Variants in CPED1 observed in about 807,000 individuals in gnomAD.
The protein encoded by CPED1 is cadherin like and PC-esterase domain containing 1.
In CPED1, 114 loss-of-function variants were observed where a neutral mutation model predicts 128.2. The ratio of observed to expected loss-of-function variants is 0.89; its 90% CI spans 0.76 to 1.04. The LOEUF is 1.04. Ranked by LOEUF, CPED1 falls within the 50% of genes least tolerant of loss-of-function variation. The pLI is 0.00. For missense variants in CPED1, 1,211 were observed against 1,207.1 expected, an observed-to-expected ratio of 1.00 and a Z score of -0.05; for synonymous variants, 462 against 426.7, an observed-to-expected ratio of 1.08 and a Z score of -1.02.
At chr7:120,996,953 G>T (rs1024313080) in intron 2 of CPED1, among the ~76,000 whole-genome samples, 36 of 152,186 alleles carry the variant, frequency 2.4e-4, no homozygotes, top group Non-Finnish European at 1.6e-4. Context: ...ATCCTGGCAT[G>T]TTCCAACATA....
At chr7:121,108,389 A>T (rs1795029731) in intron 7 of CPED1, among the ~76,000 whole-genome samples, 1 of 152,066 alleles carries the variant, frequency 6.6e-6, no homozygotes, top group Admixed American at 6.6e-5. Context: ...TTGTTTTTTC[A>T]CTTAAGAACA....
intron 5 of CPED1, among the ~76,000 whole-genome samples, chr7:121,074,392 A>G (rs1459756650): frequency 1.3e-5 from 2 of 152,110 alleles, no homozygotes; most frequent in East Asian, 1.9e-4. Context: ...AAGCTTTATA[A>G]GGACAGACCT....
At chr7:120,991,419 GGA>G (rs1159690884) in intron 2 of CPED1, among the ~76,000 whole-genome samples, 2 of 152,116 alleles carry the variant, frequency 1.3e-5, no homozygotes, top group African/African-American at 4.8e-5. Context: ...CAGTTACAAT[GGA>G]TGTAAACTGT....
chr7:121,102,413 A>G (rs1465589534), intron 7 of CPED1, among the ~76,000 whole-genome samples: 1 of 149,802 alleles, frequency 6.7e-6, no homozygotes, highest in Non-Finnish European at 1.5e-5. Context: ...AGGAGAAGGG[A>G]CAGAATGTGC....
At chr7:121,076,860 A>C (rs941499035) in intron 5 of CPED1, among the ~76,000 whole-genome samples, 1 of 152,152 alleles carries the variant, frequency 6.6e-6, no homozygotes, top group Non-Finnish European at 1.5e-5. Context: ...AGAAAAACCT[A>C]AATCAGAAAG....
At chr7:121,035,001 G>A (rs1792849003) in intron 3 of CPED1, among the ~76,000 whole-genome samples, 1 of 152,186 alleles carries the variant, frequency 6.6e-6, no homozygotes, top group African/African-American at 2.4e-5. Context: ...TGGTGTGTAA[G>A]AATGATTTCT....
intron 2 of CPED1, among the ~76,000 whole-genome samples, chr7:120,995,966 CCTCCTT>C (rs139351815): frequency 0.34 from 29,511 of 85,850 alleles, 3,173 homozygotes; most frequent in African/African-American, 0.37. Context: ...TCCTCCTCCT[CCTCCTT>C]CTTCTTCTTC....
intron 22 of CPED1, among the ~76,000 whole-genome samples, chr7:121,279,532 C>T (rs370499969): frequency 6.6e-6 from 1 of 151,266 alleles, no homozygotes. Context: ...TGAAGTTTGA[C>T]TTAGCAGGCA....
chr7:121,289,326 A>T (rs1792644630), intron 22 of CPED1, among the ~76,000 whole-genome samples: 1 of 152,190 alleles, frequency 6.6e-6, no homozygotes, highest in African/African-American at 2.4e-5. Flanking sequence ...ATAGTTTCAA[A>T]ATTTTTATCA....
At chr7:121,200,055 T>C (rs1398263068) in intron 16 of CPED1, among the ~76,000 whole-genome samples, 1 of 152,118 alleles carries the variant, frequency 6.6e-6, no homozygotes, top group Non-Finnish European at 1.5e-5. Flanking sequence ...TGTGGCTCAT[T>C]ACTACCATAT....
intron 16 of CPED1, among the ~76,000 whole-genome samples, chr7:121,151,926 C>T (rs1421149453): frequency 2.0e-5 from 3 of 152,162 alleles, no homozygotes; most frequent in Non-Finnish European, 2.9e-5. Context: ...TGGAGTATTC[C>T]TTGCAGATGG....
At chr7:121,052,247 T>C (rs910331553) in intron 4 of CPED1, among the ~76,000 whole-genome samples, 4 of 152,204 alleles carry the variant, frequency 2.6e-5, no homozygotes, top group African/African-American at 9.6e-5. Context: ...CCTATCTGAA[T>C]TGAAACTAGA....
At chr7:121,077,699 T>C (rs1794167235) in intron 5 of CPED1, among the ~76,000 whole-genome samples, 1 of 150,852 alleles carries the variant, frequency 6.6e-6, no homozygotes, top group Admixed American at 6.6e-5. Flanking sequence ...TATTTTTCCA[T>C]TTATACAATA....
At chr7:121,005,336 G>A (rs897184041) in intron 2 of CPED1, among the ~76,000 whole-genome samples, 6 of 152,088 alleles carry the variant, frequency 3.9e-5, no homozygotes, top group African/African-American at 1.4e-4. Flanking sequence ...TCTTTGATGG[G>A]CATTTGGGTT....
chr7:121,089,951 T>A (rs1351127135), intron 5 of CPED1, among the ~76,000 whole-genome samples: 2 of 152,206 alleles, frequency 1.3e-5, no homozygotes, highest in African/African-American at 4.8e-5. Flanking sequence ...TAAAACAATC[T>A]TTCATGCTGT....
At chr7:121,076,787 G>C (rs1275307216) in intron 5 of CPED1, 2 of 152,090 alleles carry the variant, frequency 1.3e-5, no homozygotes, top group South Asian at 4.1e-4. Flanking sequence ...TGACTATCGG[G>C]CTTTAGCTTT....
At chr7:121,200,136 T>A (rs1190855886) in intron 16 of CPED1, among the ~76,000 whole-genome samples, 3 of 152,142 alleles carry the variant, frequency 2.0e-5, no homozygotes, top group African/African-American at 7.2e-5. Context: ...TAAACATGCA[T>A]ACATGTAAGA....
intron 7 of CPED1, among the ~76,000 whole-genome samples, chr7:121,112,369 A>G (rs1174392517): frequency 6.6e-6 from 1 of 152,146 alleles, no homozygotes; most frequent in Admixed American, 6.5e-5. Flanking sequence ...TCAGAGAGAG[A>G]TTTGACACAG....
At chr7:121,236,662 T>A in intron 16 of CPED1, 52 bp from the exon 17 acceptor site, 1 of 1,108,198 alleles carries the variant, frequency 9.0e-7, no homozygotes, top group South Asian at 1.6e-5. Flanking sequence ...GATTTTATTA[T>A]TATGGGTCAA....
Sources: gnomAD v4.1 joint callset for allele counts (sites outside exome capture counted in the v4.1 genomes callset) on GRCh38, gnomAD v4.1.1 for gene constraint, MANE v1.5 for transcripts, NCBI Gene and HGNC (gene_info 2026-07-23, HGNC 2026-07-21) for gene names.